The following LRBA variants were observed in gnomAD, a reference collection of about 807,000 sequenced individuals.
LRBA encodes the protein LPS responsive beige-like anchor protein, also known as lipopolysaccharide-responsive and beige-like anchor protein.
Under a neutral mutation model 330.0 loss-of-function variants are expected in LRBA, and 176 were observed. That is an observed-to-expected ratio of 0.53 (90% CI 0.47 to 0.60). The LOEUF is 0.60. Among genes scored for constraint, LRBA ranks in the 20% least tolerant of loss-of-function variants. The pLI is 0.00. For synonymous variants in LRBA, 1,230 were observed against 1,193.0 expected (o/e 1.03, Z -0.64); for missense variants, 3,259 against 3,444.8 (o/e 0.95, Z 1.35).
At position 150,313,088 on chromosome 4, in the gene LRBA, A is replaced by G. The variant is rs1731269014; in HGVS notation, c.7693+2473T>C. Among the ~76,000 whole-genome samples, 3 of 152,124 alleles carry G rather than the reference A, an allele frequency of 2.0e-5. No individual in the cohort carries two copies. In the South Asian group the frequency reaches 6.2e-4, roughly 31 times the overall value. ...ATTTTAAAATTTAAATTGAACACATATGCTTAATTTTGCAAACACATTTTT... is the reference window on the plus strand; with the variant it reads ...ATTTTAAAATTTAAATTGAACACATGTGCTTAATTTTGCAAACACATTTTT... On this transcript the variant is annotated intron_variant, in intron 51 of 56. Coordinates refer to ENST00000651943, the MANE Select transcript of LRBA (RefSeq NM_001364905.1).
At chr4:150,859,877 T>A (rs879644849) in intron 22 of LRBA, among the ~76,000 whole-genome samples, 1 of 152,212 alleles carries the variant, frequency 6.6e-6, no homozygotes, top group Non-Finnish European at 1.5e-5. Flanking sequence ...GGAAAAAGCA[T>A]CACTTTAACA....
intron 37 of LRBA, among the ~76,000 whole-genome samples, chr4:150,664,561 A>G (rs930721899): frequency 9.2e-5 from 14 of 152,178 alleles, no homozygotes; most frequent in African/African-American, 2.9e-4. Flanking sequence ...TATAATCCAA[A>G]AACTCCTAAA....
At chr4:150,736,198 A>T (rs1731160349) in intron 35 of LRBA, among the ~76,000 whole-genome samples, 1 of 152,216 alleles carries the variant, frequency 6.6e-6, no homozygotes, top group Non-Finnish European at 1.5e-5. Context: ...CTAACTGCTA[A>T]TCAGAAACCA....
intron 48 of LRBA, 61 bp from the exon 49 acceptor site, chr4:150,325,959 C>A (rs1310282768): frequency 2.3e-6 from 2 of 861,144 alleles, no homozygotes; most frequent in East Asian, 2.5e-5. Context: ...AATAGAACCC[C>A]AACTGTCACC....
At position 150,963,767 on chromosome 4, in the gene LRBA, C is replaced by G. The variant is rs1181089743; in HGVS notation, c.217-34702G>C. 4.7e-5 allele frequency among the ~76,000 whole-genome samples: 7 copies of G among 147,870 alleles called. No homozygotes were observed. In the South Asian group the frequency reaches 1.5e-3, roughly 31 times the overall value. On this transcript the variant is annotated intron_variant, in intron 2 of 56. Transcript: ENST00000651943. The stretch of plus-strand genomic sequence containing the variant: ...GCATCTCTGCCTGGCCGCCCATCGT[C>G]TGGGATGTGAGGAGCCCCTCCGCCC...
At chr4:150,325,119 T>C (rs1464418022) in intron 49 of LRBA, among the ~76,000 whole-genome samples, 1 of 152,142 alleles carries the variant, frequency 6.6e-6, no homozygotes, top group Non-Finnish European at 1.5e-5. Context: ...GTCTTCATTC[T>C]CATGGGACTG....
intron 2 of LRBA, among the ~76,000 whole-genome samples, chr4:150,995,434 A>G (rs1440993740): frequency 3.3e-5 from 5 of 152,102 alleles, no homozygotes; most frequent in Non-Finnish European, 7.4e-5. Flanking sequence ...ATAATCAGAT[A>G]TATAATATAA....
intron 22 of LRBA, among the ~76,000 whole-genome samples, chr4:150,864,185 C>T (rs1258710814): frequency 6.6e-6 from 1 of 152,126 alleles, no homozygotes; most frequent in East Asian, 1.9e-4. Context: ...ATCCACCCAC[C>T]TCAACCTCCC....
intron 40 of LRBA, among the ~76,000 whole-genome samples, chr4:150,569,973 T>G (rs534885715): frequency 1.3e-5 from 2 of 152,298 alleles, no homozygotes; most frequent in East Asian, 3.9e-4. Flanking sequence ...ACATATTTAT[T>G]GTTTTGCACT....
chr4:150,909,341 T>C (rs1254107023), intron 9 of LRBA, among the ~76,000 whole-genome samples: 3 of 152,194 alleles, frequency 2.0e-5, no homozygotes, highest in Non-Finnish European at 4.4e-5. Context: ...TGAGTTGGAC[T>C]CTTAGATACC....
intron 13 of LRBA, 47 bp downstream of exon 13, chr4:150,905,791 A>G (rs757895284): frequency 6.7e-7 from 1 of 1,503,692 alleles, no homozygotes; most frequent in South Asian, 1.3e-5. Context: ...TCACGCACAA[A>G]AACAGCAAAG....
chr4:150,997,858 C>G (rs1480863538), intron 2 of LRBA, among the ~76,000 whole-genome samples: 1 of 151,896 alleles, frequency 6.6e-6, no homozygotes, highest in African/African-American at 2.4e-5. Flanking sequence ...CGCACACCAC[C>G]ACGCCCAGTT....
chr4:150,375,368 A>G (rs1741106492), intron 47 of LRBA, among the ~76,000 whole-genome samples: 1 of 152,174 alleles, frequency 6.6e-6, no homozygotes, highest in Non-Finnish European at 1.5e-5. Flanking sequence ...TAATAAATTA[A>G]AAGTGTATTA....
At chr4:150,645,931 C>T in intron 37 of LRBA, among the ~76,000 whole-genome samples, 1 of 133,506 alleles carries the variant, frequency 7.5e-6, no homozygotes, top group East Asian at 2.4e-4. Flanking sequence ...TTAGAAAACC[C>T]ATTACAGAAA....
chr4:150,773,516 T>C (rs547114601), intron 34 of LRBA, among the ~76,000 whole-genome samples: 2 of 152,354 alleles, frequency 1.3e-5, no homozygotes, highest in South Asian at 4.1e-4. Flanking sequence ...CAAAGATTCA[T>C]GTGTCTTCTG....
At chr4:150,975,791 T>C (rs981385726) in intron 2 of LRBA, among the ~76,000 whole-genome samples, 2 of 151,708 alleles carry the variant, frequency 1.3e-5, no homozygotes, top group African/African-American at 4.8e-5. Flanking sequence ...AGAGGTAAGA[T>C]TGAAAAAAAT....
chr4:150,379,896 C>T (rs1008512926), intron 47 of LRBA, among the ~76,000 whole-genome samples: 2 of 151,620 alleles, frequency 1.3e-5, no homozygotes, highest in African/African-American at 4.8e-5. Flanking sequence ...GGTGCAATGG[C>T]TCATGCCTGT....
In LRBA at chr4:150,787,944, T is replaced by C. The variant is rs534190107; in HGVS notation, c.5580+10137A>G. Among the ~76,000 whole-genome samples, 5 of 152,330 alleles carry C rather than the reference T, an allele frequency of 3.3e-5. No homozygotes were observed. The East Asian group carries it at 9.6e-4, about 29-fold the overall frequency. On this transcript the variant is annotated intron_variant, in intron 34 of 56. Coordinates refer to ENST00000651943, the MANE Select transcript of LRBA (RefSeq NM_001364905.1). ...TTTGATATGCTGATTTCCTTTCTTT[T>C]GGATATATACCCAGCAGTCAGATTG...
intron 44 of LRBA, among the ~76,000 whole-genome samples, chr4:150,449,234 C>A (rs1422595072): frequency 3.3e-5 from 5 of 152,062 alleles, no homozygotes; most frequent in Non-Finnish European, 7.4e-5. Context: ...AGGACCCAGG[C>A]AAAGATCCAC....
Sources: gnomAD v4.1 joint callset for allele counts (sites outside exome capture counted in the v4.1 genomes callset) on GRCh38, gnomAD v4.1.1 for gene constraint, MANE v1.5 for transcripts, NCBI Gene and HGNC (gene_info 2026-07-23, HGNC 2026-07-21) for gene names.